AKT3: variants seen among roughly 807,000 people sequenced by gnomAD.
AKT3 encodes the protein RAC-gamma serine/threonine-protein kinase.
Under a neutral mutation model 65.3 loss-of-function variants are expected in AKT3, and 15 were observed. That is an observed-to-expected ratio of 0.23 (90% CI 0.15 to 0.35). AKT3 has a LOEUF of 0.35. AKT3 is among the 10% of genes least tolerant of loss of function. AKT3 has a pLI of 1.00. For synonymous variants in AKT3, 206 were observed against 183.8 expected (o/e 1.12, Z -0.98); for missense variants, 243 against 576.5 (o/e 0.42, Z 5.92).
intron 3 of AKT3, among the ~76,000 whole-genome samples, chr1:243,677,501 G>A (rs1368900948): frequency 1.3e-5 from 2 of 151,654 alleles, no homozygotes; most frequent in Non-Finnish European, 2.9e-5. Flanking sequence ...CTCATAAAAT[G>A]TATATTTATA....
intron 10 of AKT3, among the ~76,000 whole-genome samples, chr1:243,554,909 C>T (rs1673309826): frequency 6.6e-6 from 1 of 151,662 alleles, no homozygotes; most frequent in African/African-American, 2.4e-5. Flanking sequence ...TTTTAAATAC[C>T]TGGTTTGCAG....
At chr1:243,812,824 G>A (rs954584989) in intron 2 of AKT3, among the ~76,000 whole-genome samples, 1 of 152,088 alleles carries the variant, frequency 6.6e-6, no homozygotes, top group Non-Finnish European at 1.5e-5. Context: ...TATATACCAT[G>A]GAATACTATG....
intron 10 of AKT3, among the ~76,000 whole-genome samples, chr1:243,558,612 A>G (rs1213260525): frequency 1.3e-5 from 2 of 152,078 alleles, no homozygotes; most frequent in Non-Finnish European, 2.9e-5. Context: ...AGCTAGATAT[A>G]TTTCCCAACA....
At chr1:243,737,582 A>C (rs1687918976) in intron 2 of AKT3, among the ~76,000 whole-genome samples, 1 of 152,218 alleles carries the variant, frequency 6.6e-6, no homozygotes, top group South Asian at 2.1e-4. Context: ...GGGATGAACA[A>C]ACAAAAGAAA....
rs982191347 is a variant in AKT3 at position 243,488,534 on chromosome 1, C to A, written c.*7-84G>T. On this transcript the variant is annotated intron_variant, in intron 13 of 13. Transcript: ENST00000336199. ...ATCAGCAGAATGACAAATTTAGGAT[C>A]TTTAAAGACATCTGGTCAGCGATGC... 2.5e-5 allele frequency: 5 copies of A among 202,504 alleles called. No individual in the cohort carries two copies. In the South Asian group the frequency reaches 2.6e-4, roughly 11 times the overall value. The allele number at this position is 202,504 out of a possible 1,614,324, so 12.5% of individuals were successfully genotyped here.
intron 2 of AKT3, among the ~76,000 whole-genome samples, chr1:243,725,013 G>A (rs936911825): frequency 4.0e-5 from 6 of 151,246 alleles, no homozygotes; most frequent in Middle Eastern, 6.8e-3. Context: ...GACCAGCCTC[G>A]GCAACATAGC....
At chr1:243,580,835 T>A (rs539413900) in intron 8 of AKT3, among the ~76,000 whole-genome samples, 1 of 152,170 alleles carries the variant, frequency 6.6e-6, no homozygotes, top group South Asian at 2.1e-4. Flanking sequence ...ATTTGCCTAG[T>A]TGAGTAGCCT....
At chr1:243,689,739 T>A (rs970944347) in intron 3 of AKT3, among the ~76,000 whole-genome samples, 1 of 151,938 alleles carries the variant, frequency 6.6e-6, no homozygotes, top group Non-Finnish European at 1.5e-5. Flanking sequence ...GATCACTTGA[T>A]GAGCCCAGTT....
At chr1:243,515,049 A>G (rs754461471) in intron 12 of AKT3, among the ~76,000 whole-genome samples, 1 of 152,208 alleles carries the variant, frequency 6.6e-6, no homozygotes, top group Non-Finnish European at 1.5e-5. Context: ...AATGGATCAT[A>G]GAGTATGTAC....
intron 2 of AKT3, among the ~76,000 whole-genome samples, chr1:243,720,429 TAAAAAA>T (rs66716743): frequency 1.0e-5 from 1 of 96,044 alleles, no homozygotes; most frequent in Non-Finnish European, 2.0e-5. Context: ...AAAGACATAG[TAAAAAA>T]AAAAAAAAAA....
chr1:243,514,553 A>T (rs1670223627), intron 12 of AKT3, among the ~76,000 whole-genome samples: 1 of 152,206 alleles, frequency 6.6e-6, no homozygotes, highest in Non-Finnish European at 1.5e-5. Context: ...ATATACATGT[A>T]TTTGTTACTG....
chr1:243,681,033 C>A (rs1164864322), intron 3 of AKT3, among the ~76,000 whole-genome samples: 1 of 152,036 alleles, frequency 6.6e-6, no homozygotes, highest in Non-Finnish European at 1.5e-5. Context: ...AGTCAGAGAT[C>A]CATTAGTTAA....
Position 243,843,242 on chromosome 1 carries a change from C to G in AKT3, c.-72G>C. 1 of 1,545,552 alleles carries G rather than the reference C, an allele frequency of 6.5e-7. No individual in the cohort carries two copies. On this transcript the variant is annotated 5_prime_UTR_variant, in exon 2 of 14. Transcript: ENST00000673466. ...ATATCAGCTTTAGGGTTTGGATTCT[C>G]TGCTGCTGCTGCCCTTCCCACTCTC...
chr1:243,608,779 G>T (rs1677641293), intron 8 of AKT3, among the ~76,000 whole-genome samples: 1 of 106,728 alleles, frequency 9.4e-6, no homozygotes, highest in Non-Finnish European at 1.7e-5. Context: ...TTGAGACGGA[G>T]TCTTGCTCTG....
intron 6 of AKT3, among the ~76,000 whole-genome samples, chr1:243,630,005 T>C (rs1572059416): frequency 6.6e-6 from 1 of 152,204 alleles, no homozygotes; most frequent in East Asian, 1.9e-4. Context: ...GCAAATACAC[T>C]ACACTGAGCT....
At chr1:243,831,499 A>C (rs931446671) in intron 2 of AKT3, among the ~76,000 whole-genome samples, 1 of 152,244 alleles carries the variant, frequency 6.6e-6, no homozygotes, top group Admixed American at 6.5e-5. Flanking sequence ...TAGCATAACC[A>C]AAAACACAGA....
chr1:243,604,074 T>A (rs961118679), intron 8 of AKT3, among the ~76,000 whole-genome samples: 16 of 152,052 alleles, frequency 1.1e-4, no homozygotes, highest in African/African-American at 3.9e-4. Flanking sequence ...TTTGTATTTT[T>A]AGTACAGACG....
intron 7 of AKT3, among the ~76,000 whole-genome samples, chr1:243,614,533 A>G (rs1299500130): frequency 6.6e-6 from 1 of 152,142 alleles, no homozygotes; most frequent in Non-Finnish European, 1.5e-5. Flanking sequence ...ATACCATATA[A>G]TCAGTTTATA....
chr1:243,709,570 T>C lies in AKT3; in HGVS notation c.47-13854A>G, dbSNP rs1686020232. On this transcript the variant is annotated intron_variant, in intron 2 of 13. Transcript: ENST00000673466. ...AACTACTAAACAGTCTTATTCTTTT[T>C]AAAGTATATAATATCATGGATATTT... Among the ~76,000 whole-genome samples, 3 of 151,956 alleles carry C rather than the reference T, an allele frequency of 2.0e-5. No individual in the cohort carries two copies. In the South Asian group the frequency reaches 6.2e-4, roughly 31 times the overall value.
Sources: allele counts gnomAD v4.1 joint callset (sites outside exome capture counted in the v4.1 genomes callset), GRCh38; gene constraint gnomAD v4.1.1; transcripts MANE v1.5; gene names NCBI Gene and HGNC (gene_info 2026-07-23, HGNC 2026-07-21).